Variants in PAQR5 observed in about 807,000 individuals in gnomAD.
PAQR5 encodes the protein membrane progestin receptor gamma.
Under a neutral mutation model 34.5 loss-of-function variants are expected in PAQR5, and 20 were observed. That is an observed-to-expected ratio of 0.58 (90% CI 0.41 to 0.84). PAQR5 has a LOEUF of 0.84. Among genes scored for constraint, PAQR5 ranks in the 40% least tolerant of loss-of-function variants. The probability of loss-of-function intolerance (pLI) is 0.00; values close to 1 mark genes in which losing one functional copy is unlikely to be tolerated. For synonymous variants in PAQR5, 131 were observed against 155.6 expected, an observed-to-expected ratio of 0.84 and a Z score of 1.18; for missense variants, 378 against 412.7, an observed-to-expected ratio of 0.92 and a Z score of 0.73.
At chr15:69,396,615 G>GC (rs924898769) in intron 6 of PAQR5, among the ~76,000 whole-genome samples, 14 of 152,152 alleles carry the variant, frequency 9.2e-5, no homozygotes, top group Non-Finnish European at 1.9e-4. Context: ...CCCAGCCAGG[G>GC]CCCATGAGCA....
intron 2 of PAQR5, among the ~76,000 whole-genome samples, chr15:69,355,368 C>G (rs184835911): frequency 1.7e-5 from 1 of 58,620 alleles, no homozygotes; most frequent in Non-Finnish European, 3.4e-5. Flanking sequence ...TTCTTTCTTT[C>G]TTTCTTTCTT....
intron 1 of PAQR5, among the ~76,000 whole-genome samples, chr15:69,316,054 C>T (rs1381030848): frequency 6.6e-6 from 1 of 152,128 alleles, no homozygotes; most frequent in Non-Finnish European, 1.5e-5. Flanking sequence ...TTTAGATGAA[C>T]TGTTATTCTC....
intron 2 of PAQR5, among the ~76,000 whole-genome samples, chr15:69,354,006 A>T (rs535601597): frequency 6.6e-6 from 1 of 152,332 alleles, no homozygotes; most frequent in African/African-American, 2.4e-5. Context: ...AACGGGAGTG[A>T]GGAAGAGTAT....
chr15:69,347,279 T>C (rs189180423), intron 2 of PAQR5, among the ~76,000 whole-genome samples: 8 of 152,378 alleles, frequency 5.3e-5, no homozygotes, highest in Non-Finnish European at 1.2e-4. Flanking sequence ...TCTTACCTGA[T>C]AGTTTGTCTC....
Position 69,363,536 on chromosome 15 carries a change from G to GTTTTTTTTTTTTTTTT in PAQR5, c.51+3411_51+3412insTTTTTTTTTTTTTTTT, listed in dbSNP as rs1226447954. Reference sequence around the variant, plus strand: ...ACATCGAGTGTCAAATTGCTAATCTGTTTTTTGTTTTTGTTTTTTTTTTTT... The same window carrying GTTTTTTTTTTTTTTTT: ...ACATCGAGTGTCAAATTGCTAATCTGTTTTTTTTTTTTTTTTTTTTTTGTTTTTGTTTTTTTTTTTT... On this transcript the variant is annotated intron_variant, in intron 3 of 8. Transcript: ENST00000395407. Among the ~76,000 whole-genome samples, 6 of 82,002 alleles carry GTTTTTTTTTTTTTTTT rather than the reference G, an allele frequency of 7.3e-5. 3 individuals carry two copies. The highest frequency in any genetic ancestry group is 4.6e-5 in the Non-Finnish European group (2 of 43,296). The allele number at this position is 82,002 out of a possible 152,430, so 53.8% of individuals were successfully genotyped here.
chr15:69,346,297 ATTTTTTTTTTT>A (rs34728909), intron 2 of PAQR5, among the ~76,000 whole-genome samples: 1 of 81,490 alleles, frequency 1.2e-5, no homozygotes, highest in African/African-American at 5.4e-5. Flanking sequence ...ATATTTTGTA[ATTTTTTTTTTT>A]TTTTTTTTTT....
intron 4 of PAQR5, among the ~76,000 whole-genome samples, chr15:69,384,175 G>A (rs1298481577): frequency 2.9e-5 from 4 of 138,772 alleles, no homozygotes; most frequent in Non-Finnish European, 4.7e-5. Flanking sequence ...GAGGGTGAGC[G>A]GGGCCTCTGT....
chr15:69,319,180 T>TAAATATATAC (rs2054032982), intron 1 of PAQR5, among the ~76,000 whole-genome samples: 171 of 3,094 alleles, frequency 0.055, 11 homozygotes, highest in Non-Finnish European at 0.42. Context: ...TATATATATA[T>TAAATATATAC]ATATATATAT....
chr15:69,301,362 G>GTCCCGTC (rs2053601945), intron 1 of PAQR5, among the ~76,000 whole-genome samples: 1 of 152,198 alleles, frequency 6.6e-6, no homozygotes, highest in Admixed American at 6.5e-5. Flanking sequence ...CCGCCAAGGA[G>GTCCCGTC]AGGCCGAGGC....
At position 69,337,992 on chromosome 15, in the gene PAQR5, G is replaced by A. The variant is rs192727800; in HGVS notation, c.-116+491G>A. ...CTTGGGAAGCTGAGGCACGAGAATT[G>A]CTTGAACCCAGGAGGCAGAGGCTGC... On this transcript the variant is annotated intron_variant, in intron 2 of 8. Coordinates refer to ENST00000395407, the MANE Select transcript of PAQR5 (RefSeq NM_017705.4). Among the ~76,000 whole-genome samples the A allele has an allele frequency of 2.5e-3, 384 of 152,238 alleles. 2 individuals are homozygous for A. The highest frequency in any genetic ancestry group is 9.0e-3 in the African/African-American group (376 of 41,548).
intron 1 of PAQR5, among the ~76,000 whole-genome samples, chr15:69,334,063 T>A (rs2054453486): frequency 6.6e-6 from 1 of 152,166 alleles, no homozygotes; most frequent in Non-Finnish European, 1.5e-5. Flanking sequence ...GGAGTCTCAC[T>A]CTCTCACCAG....
intron 1 of PAQR5, among the ~76,000 whole-genome samples, chr15:69,333,549 G>GTT (rs1488143147): frequency 3.3e-5 from 5 of 152,220 alleles, no homozygotes; most frequent in Non-Finnish European, 5.9e-5. Context: ...TGAGACTCCT[G>GTT]TGAGAGATGG....
chr15:69,403,202 A>G (rs1198166687), intron 8 of PAQR5, among the ~76,000 whole-genome samples: 1 of 152,220 alleles, frequency 6.6e-6, no homozygotes, highest in Non-Finnish European at 1.5e-5. Context: ...GTTTTCTCTG[A>G]TGGGCCTTTT....
chr15:69,302,011 C>T (rs1566987643), intron 1 of PAQR5, among the ~76,000 whole-genome samples: 1 of 151,166 alleles, frequency 6.6e-6, no homozygotes. Flanking sequence ...GGCTTGAGCC[C>T]CAGTCTGTCT....
intron 3 of PAQR5, among the ~76,000 whole-genome samples, chr15:69,362,466 A>G (rs1302159329): frequency 6.6e-6 from 1 of 152,242 alleles, no homozygotes; most frequent in East Asian, 1.9e-4. Context: ...ATGCACAGGT[A>G]TTAAAAATGG....
intron 3 of PAQR5, among the ~76,000 whole-genome samples, chr15:69,371,289 C>A (rs915466698): frequency 2.6e-5 from 4 of 151,960 alleles, no homozygotes; most frequent in Admixed American, 6.5e-5. Context: ...TACATTTTTT[C>A]TTTTTTTAAT....
intron 6 of PAQR5, among the ~76,000 whole-genome samples, chr15:69,396,414 G>C (rs1012538635): frequency 3.9e-5 from 6 of 152,040 alleles, no homozygotes; most frequent in Non-Finnish European, 8.8e-5. Context: ...AAAGGGCCCA[G>C]ATGCATGCAT....
At chr15:69,365,621 CT>C (rs1262566858) in intron 3 of PAQR5, among the ~76,000 whole-genome samples, 1 of 152,182 alleles carries the variant, frequency 6.6e-6, no homozygotes, top group African/African-American at 2.4e-5. Context: ...ATCTTTAAGT[CT>C]ATTAATGAGT....
chr15:69,356,266 C>T (rs2055075068), intron 2 of PAQR5, among the ~76,000 whole-genome samples: 1 of 152,160 alleles, frequency 6.6e-6, no homozygotes, highest in Non-Finnish European at 1.5e-5. Flanking sequence ...CTTGTCCTGC[C>T]ATTAGGTGAA....
Sources: gnomAD v4.1 joint callset for allele counts (sites outside exome capture counted in the v4.1 genomes callset) on GRCh38, gnomAD v4.1.1 for gene constraint, MANE v1.5 for transcripts, NCBI Gene and HGNC (gene_info 2026-07-23, HGNC 2026-07-21) for gene names.